PINX1: variants seen among roughly 807,000 people sequenced by gnomAD.
PINX1 encodes PIN2 (TERF1) interacting telomerase inhibitor 1.
In PINX1, 34 loss-of-function variants were observed where a neutral mutation model predicts 25.4. That is an observed-to-expected ratio of 1.34 (90% CI 1.02 to 1.78). PINX1 has a LOEUF of 1.78. PINX1 is among the 40% of genes most tolerant of loss of function. The pLI is 0.00. For missense variants in PINX1, 592 were observed against 404.9 expected (o/e 1.46, Z -3.97); for synonymous variants, 197 against 147.7 (o/e 1.33, Z -2.42).
chr8:10,822,935 A>G (rs1428809059), intron 5 of PINX1, among the ~76,000 whole-genome samples: 1 of 152,236 alleles, frequency 6.6e-6, no homozygotes, highest in Non-Finnish European at 1.5e-5. Context: ...AGAAGGACAA[A>G]TAAAATGACA....
intron 6 of PINX1, among the ~76,000 whole-genome samples, chr8:10,778,473 T>A (rs1168291098): frequency 6.6e-6 from 1 of 152,170 alleles, no homozygotes; most frequent in South Asian, 2.1e-4. Flanking sequence ...CTCTGTCTCA[T>A]GTATCTCCTG....
intron 6 of PINX1, among the ~76,000 whole-genome samples, chr8:10,799,199 C>T (rs1802185229): frequency 6.6e-6 from 1 of 151,818 alleles, no homozygotes; most frequent in South Asian, 2.1e-4. Flanking sequence ...CAAAAAGTAA[C>T]AGATTCACTT....
chr8:10,833,932 T>A (rs1178845011), intron 2 of PINX1, among the ~76,000 whole-genome samples: 1 of 152,192 alleles, frequency 6.6e-6, no homozygotes, highest in African/African-American at 2.4e-5. Flanking sequence ...AATGATACCC[T>A]TGAAATGCTT....
chr8:10,832,734 T>C (rs2292371), intron 3 of PINX1, among the ~76,000 whole-genome samples, 158 bp downstream of exon 3: 60,980 of 152,110 alleles, frequency 0.4, 14,239 homozygotes, highest in African/African-American at 0.65. Flanking sequence ...CTCTGAGTTA[T>C]AGTGCCATGC....
chr8:10,792,247 C>T (rs1471336412), intron 6 of PINX1, among the ~76,000 whole-genome samples: 1 of 152,062 alleles, frequency 6.6e-6, no homozygotes, highest in Non-Finnish European at 1.5e-5. Flanking sequence ...CCTCTTTCCA[C>T]TTCACGTCCG....
In PINX1 at chr8:10,796,673, T is replaced by C. The variant is rs187080972; in HGVS notation, c.471+23520A>G. On this transcript the variant is annotated intron_variant, in intron 6 of 6. Transcript: ENST00000314787. ...TCCATTACTCTGCCCACATTTTTTA[T>C]CTGCGATTTTTTCCCCTTAGTAACC... Among the ~76,000 whole-genome samples the C allele has an allele frequency of 3.2e-4, 48 of 152,194 alleles. 1 individual carries two copies. The highest frequency in any genetic ancestry group is 9.4e-4 in the African/African-American group (39 of 41,538).
intron 6 of PINX1, among the ~76,000 whole-genome samples, chr8:10,773,872 G>A (rs985236836): frequency 2.6e-5 from 4 of 152,180 alleles, no homozygotes; most frequent in Admixed American, 6.5e-5. Context: ...CCTCAGGCTC[G>A]GAAAGCTGCA....
intron 6 of PINX1, among the ~76,000 whole-genome samples, chr8:10,776,593 C>G (rs562115558): frequency 6.6e-6 from 1 of 152,102 alleles, no homozygotes; most frequent in East Asian, 1.9e-4. Flanking sequence ...AATGGTAACA[C>G]AGAATCAAAA....
chr8:10,786,247 G>T (rs1377342242), intron 6 of PINX1, among the ~76,000 whole-genome samples: 2 of 152,160 alleles, frequency 1.3e-5, no homozygotes, highest in Non-Finnish European at 2.9e-5. Flanking sequence ...CCTGATAATT[G>T]AACATCAGAG....
rs755965393 is a variant in PINX1 at position 10,820,185 on chromosome 8, C to G, written c.471+8G>C. 1 of 1,582,564 alleles carries G rather than the reference C, an allele frequency of 6.3e-7. No homozygotes were observed. Among genetic ancestry groups the G allele is most frequent in the South Asian group, 1.1e-5 (1 of 90,230 alleles). On this transcript the variant is annotated splice_region_variant and intron_variant, in intron 6 of 6. Coordinates refer to ENST00000314787, the MANE Select transcript of PINX1 (RefSeq NM_017884.6). The stretch of plus-strand genomic sequence containing the variant: ...AGCGGAACACGGAAACTGTACGTGG[C>G]TTTATACCTCGGGAGTCTTCTTACT...
At chr8:10,834,840 A>C in intron 1 of PINX1, 65 bp from the exon 2 acceptor site, 4 of 1,089,080 alleles carry the variant, frequency 3.7e-6, no homozygotes, top group Non-Finnish European at 5.5e-6. Context: ...ACACAAACAT[A>C]CACATGCACA....
chr8:10,832,057 A>G (rs138470683), intron 3 of PINX1, among the ~76,000 whole-genome samples: 1 of 152,362 alleles, frequency 6.6e-6, no homozygotes, highest in East Asian at 1.9e-4. Flanking sequence ...AAAGTAAAAC[A>G]TAATGAAATG....
At chr8:10,797,397 C>A (rs745414539) in intron 6 of PINX1, among the ~76,000 whole-genome samples, 1 of 152,216 alleles carries the variant, frequency 6.6e-6, no homozygotes, top group Non-Finnish European at 1.5e-5. Flanking sequence ...GCACTTAGCT[C>A]AAGCCTGCTA....
At chr8:10,811,683 G>A (rs1019138775) in intron 6 of PINX1, among the ~76,000 whole-genome samples, 1 of 152,180 alleles carries the variant, frequency 6.6e-6, no homozygotes, top group African/African-American at 2.4e-5. Context: ...AGCTCGGGGT[G>A]CCTGCATAAC....
intron 6 of PINX1, among the ~76,000 whole-genome samples, chr8:10,768,246 G>C (rs1322799749): frequency 1.3e-5 from 2 of 152,210 alleles, no homozygotes; most frequent in African/African-American, 4.8e-5. Flanking sequence ...GCAGTCTGTG[G>C]GCCACTCTTT....
chr8:10,765,259 G>A lies in PINX1; in HGVS notation c.*142C>T, dbSNP rs1049661912. The A allele has an allele frequency of 9.2e-5, 62 of 672,970 alleles. No homozygotes were observed. The highest frequency in any genetic ancestry group is 1.4e-4 in the Non-Finnish European group (57 of 414,900). 41.7% of individuals were successfully genotyped at this position (672,970 alleles called of 1,614,324 possible). A position where few individuals can be genotyped will look rare whatever the true frequency, so the allele number is the denominator to read the frequency against. ...AACTTGGGGGAAATGTGGCGAGAGG[G>A]CAGGACTCGGCAGCCCATGGGCATG... On this transcript the variant is annotated 3_prime_UTR_variant, in exon 7 of 7. Transcript: ENST00000314787.
intron 6 of PINX1, among the ~76,000 whole-genome samples, chr8:10,772,479 C>G (rs1262185893): frequency 6.6e-6 from 1 of 152,196 alleles, no homozygotes; most frequent in African/African-American, 2.4e-5. Context: ...TGAAAACACC[C>G]AGTGTTTTAT....
intron 3 of PINX1, among the ~76,000 whole-genome samples, chr8:10,832,126 C>CA (rs35581810): frequency 0.049 from 7,371 of 151,904 alleles, 216 homozygotes; most frequent in Middle Eastern, 0.078. Flanking sequence ...CCATGCGGGA[C>CA]AAAAAAATGC....
intron 6 of PINX1, among the ~76,000 whole-genome samples, chr8:10,801,897 C>T (rs1263552398): frequency 2.0e-5 from 3 of 152,094 alleles, no homozygotes; most frequent in South Asian, 2.1e-4. Flanking sequence ...CATGAGAGAG[C>T]TTGTCACAGG....
Sources: gnomAD v4.1 joint callset for allele counts (sites outside exome capture counted in the v4.1 genomes callset) on GRCh38, gnomAD v4.1.1 for gene constraint, MANE v1.5 for transcripts, NCBI Gene and HGNC (gene_info 2026-07-23, HGNC 2026-07-21) for gene names.